SLC35F4: variants seen among roughly 807,000 people sequenced by gnomAD.
The protein encoded by SLC35F4 is chromosome 14 open reading frame 36.
Under a neutral mutation model 44.2 loss-of-function variants are expected in SLC35F4, and 24 were observed. The ratio of observed to expected loss-of-function variants is 0.54; its 90% CI spans 0.39 to 0.76. The LOEUF is 0.76. Ranked by LOEUF, SLC35F4 falls within the 30% of genes least tolerant of loss-of-function variation. The pLI is 0.00. For missense variants in SLC35F4, 562 were observed against 586.1 expected (o/e 0.96, Z 0.42); for synonymous variants, 238 against 223.6 (o/e 1.06, Z -0.57).
intron 1 of SLC35F4, among the ~76,000 whole-genome samples, chr14:57,706,655 T>C (rs11158170): frequency 0.48 from 73,620 of 152,010 alleles, 18,341 homozygotes; most frequent in Non-Finnish European, 0.55. Context: ...CCAGTAAGAC[T>C]GGCATTTGGC....
intron 1 of SLC35F4, among the ~76,000 whole-genome samples, chr14:57,788,512 A>ATATC (rs2077827093): frequency 6.6e-6 from 1 of 152,204 alleles, no homozygotes; most frequent in African/African-American, 2.4e-5. Context: ...ACCATATGAT[A>ATATC]GGCCATAAAA....
At chr14:57,911,242 AT>A (rs569096726) in intron 1 of SLC35F4, among the ~76,000 whole-genome samples, 59 of 151,886 alleles carry the variant, frequency 3.9e-4, no homozygotes, top group Admixed American at 9.8e-4. Context: ...CTATAAACAA[AT>A]TTTTTTTCCT....
intron 1 of SLC35F4, among the ~76,000 whole-genome samples, chr14:57,942,342 C>T (rs1889930727): frequency 6.6e-6 from 1 of 152,172 alleles, no homozygotes; most frequent in Non-Finnish European, 1.5e-5. Flanking sequence ...GACTCTTATA[C>T]CTAGGCCCTG....
intron 1 of SLC35F4, among the ~76,000 whole-genome samples, chr14:57,702,409 T>A (rs1250915661): frequency 1.3e-5 from 2 of 152,032 alleles, no homozygotes; most frequent in Non-Finnish European, 2.9e-5. Flanking sequence ...CTATTCATTG[T>A]ACTTCCCTCT....
chr14:57,951,755 G>C (rs1052263457), intron 1 of SLC35F4, among the ~76,000 whole-genome samples: 4 of 152,212 alleles, frequency 2.6e-5, no homozygotes, highest in Non-Finnish European at 5.9e-5. Flanking sequence ...TCTCGGCAGG[G>C]CATCTCTAAA....
At chr14:57,842,348 C>T (rs927615498) in intron 1 of SLC35F4, among the ~76,000 whole-genome samples, 8 of 152,030 alleles carry the variant, frequency 5.3e-5, no homozygotes, top group Non-Finnish European at 7.4e-5. Flanking sequence ...AAAGAGATAC[C>T]CTCTTGCTGG....
intron 1 of SLC35F4, among the ~76,000 whole-genome samples, chr14:57,848,939 C>T (rs537458347): frequency 2.0e-5 from 3 of 152,284 alleles, no homozygotes; most frequent in Middle Eastern, 3.4e-3. Context: ...ATTCATGCTG[C>T]CTGCTGGAGT....
chr14:57,828,764 T>A (rs115146354), intron 1 of SLC35F4, among the ~76,000 whole-genome samples: 269 of 152,304 alleles, frequency 1.8e-3, no homozygotes, highest in African/African-American at 6.1e-3. Flanking sequence ...CAGCAAACTC[T>A]GGGCAACCCG....
intron 1 of SLC35F4, among the ~76,000 whole-genome samples, chr14:57,897,007 G>T (rs934317843): frequency 6.6e-6 from 1 of 151,598 alleles, no homozygotes; most frequent in African/African-American, 2.4e-5. Context: ...CTATACTAAG[G>T]TACTTATGGA....
At chr14:57,599,399 T>C (rs973526083) in intron 1 of SLC35F4, among the ~76,000 whole-genome samples, 1 of 152,194 alleles carries the variant, frequency 6.6e-6, no homozygotes, top group Non-Finnish European at 1.5e-5. Context: ...GGGTAACCTA[T>C]AGTTTTAGGA....
At position 57,564,216 on chromosome 14, in the gene SLC35F4, A is replaced by G. The variant is rs201360580; in HGVS notation, c.1377T>C (p.His459=). Residue 459 remains histidine, a synonymous_variant, in exon 8 of 8, where the codon CAT becomes CAC. Coordinates refer to ENST00000556826, the MANE Select transcript of SLC35F4 (RefSeq NM_001306087.2). ...NSLKEKKSEE[H]VDDVTDPSIH... Reference sequence around the variant, plus strand: ...TGCTGGGATCAGTCACATCATCCACATGCTCCTCACTCTTCTTTTCCTTCA... The same window carrying G: ...TGCTGGGATCAGTCACATCATCCACGTGCTCCTCACTCTTCTTTTCCTTCA... The G allele has an allele frequency of 1.1e-5, 17 of 1,613,594 alleles. No individual in the cohort carries two copies. Among genetic ancestry groups the G allele is most frequent in the Middle Eastern group, 1.6e-4 (1 of 6,062 alleles).
In SLC35F4 at chr14:57,903,517, G is replaced by T. The variant is rs144669096; in HGVS notation, n.282+78396C>A. Among the ~76,000 whole-genome samples the T allele has an allele frequency of 3.2e-4, 48 of 152,318 alleles. No homozygotes were observed. The East Asian group carries it at 8.9e-3, about 28-fold the overall frequency. On this transcript the variant is annotated intron_variant and non_coding_transcript_variant, in intron 1 of 1. Transcript: ENST00000556568. The stretch of plus-strand genomic sequence containing the variant: ...CCTAATTACAGTTTGATCAAGGGGA[G>T]AATCTTTGTCAATATCCATCTTCCC...
At chr14:57,612,471 G>A (rs1180516376) in intron 1 of SLC35F4, among the ~76,000 whole-genome samples, 1 of 152,176 alleles carries the variant, frequency 6.6e-6, no homozygotes, top group African/African-American at 2.4e-5. Context: ...ACCTATAGCG[G>A]CATTCCTTGA....
Position 57,594,134 on chromosome 14 carries a change from C to G in SLC35F4, c.104-10G>C. 1 of 1,612,458 alleles carries G rather than the reference C, an allele frequency of 6.2e-7. No individual in the cohort carries two copies. Among genetic ancestry groups the G allele is most frequent in the South Asian group, 1.1e-5 (1 of 90,876 alleles). ...GATGATCTGGAGGTACCTGGAAAGA[C>G]AGAGTTCACGCCAGTTTGAGAACTG... On this transcript the variant is annotated splice_polypyrimidine_tract_variant and intron_variant, in intron 1 of 7. Transcript: ENST00000556826.
In SLC35F4 at chr14:57,673,696, G is replaced by A. The variant is rs140901866; in HGVS notation, c.104-79572C>T. Among the ~76,000 whole-genome samples, 178 of 152,094 alleles carry A rather than the reference G, an allele frequency of 1.2e-3. 5 individuals are homozygous for A. Among genetic ancestry groups the A allele is most frequent in the Admixed American group, 0.012 (177 of 15,270 alleles). ...GAATGCAGGTTTGGTGGGGGTGGGA[G>A]GAGGTGTTAGAAACATTTTTTGAGG... is the stretch of plus-strand genomic sequence containing the variant. On this transcript the variant is annotated intron_variant, in intron 1 of 7. Coordinates refer to ENST00000556826, the MANE Select transcript of SLC35F4 (RefSeq NM_001306087.2).
At chr14:57,747,955 A>G (rs2076797889) in intron 1 of SLC35F4, among the ~76,000 whole-genome samples, 1 of 152,232 alleles carries the variant, frequency 6.6e-6, no homozygotes, top group Non-Finnish European at 1.5e-5. Context: ...TAAAGAAAGC[A>G]ATTCACTTTT....
intron 1 of SLC35F4, among the ~76,000 whole-genome samples, chr14:57,761,859 G>A (rs2140629323): frequency 6.6e-6 from 1 of 152,172 alleles, no homozygotes; most frequent in South Asian, 2.1e-4. Flanking sequence ...GAGTGTTCTT[G>A]GTTGTAAGCA....
chr14:57,788,073 A>G (rs887738024), intron 1 of SLC35F4, among the ~76,000 whole-genome samples: 1 of 152,188 alleles, frequency 6.6e-6, no homozygotes, highest in African/African-American at 2.4e-5. Flanking sequence ...AAAGGGGTGG[A>G]AAAAGGCTTT....
At chr14:57,975,337 G>C (rs908273336), downstream of SLC35F4, among the ~76,000 whole-genome samples, 5 of 152,204 alleles carry the variant, frequency 3.3e-5, no homozygotes, top group Non-Finnish European at 7.3e-5. Flanking sequence ...TGCTTCTTAA[G>C]AAGTAAACTA....
Sources: allele counts gnomAD v4.1 joint callset (sites outside exome capture counted in the v4.1 genomes callset), GRCh38; gene constraint gnomAD v4.1.1; transcripts MANE v1.5; gene names NCBI Gene and HGNC (gene_info 2026-07-23, HGNC 2026-07-21).